The following CLDN14 variants were observed in gnomAD, a reference collection of about 807,000 sequenced individuals.
CLDN14 encodes claudin-14.
Under a neutral mutation model 2.1 loss-of-function variants are expected in CLDN14, and 2 were observed. That is an observed-to-expected ratio of 0.96 (90% CI 0.39 to 3.01). CLDN14 has a LOEUF of 3.01. CLDN14 is among the 30% of genes most tolerant of loss of function. The probability of loss-of-function intolerance (pLI) is 0.09; values close to 1 mark genes in which losing one functional copy is unlikely to be tolerated. For synonymous variants in CLDN14, 136 were observed against 154.4 expected (o/e 0.88, Z 0.88); for missense variants, 298 against 328.0 (o/e 0.91, Z 0.71).
intron 1 of CLDN14, chr21:36,477,680 A>G (rs73204262): frequency 2.0e-5 from 3 of 152,352 alleles, no homozygotes; most frequent in Non-Finnish European, 4.4e-5. Context: ...GAAGTGGACA[A>G]AGTGAGTGAA....
At chr21:36,516,318 A>G (rs148409808) in intron 1 of CLDN14, among the ~76,000 whole-genome samples, 322 of 152,176 alleles carry the variant, frequency 2.1e-3, no homozygotes, top group African/African-American at 7.5e-3. Flanking sequence ...AGCTTGAGAC[A>G]TGCTGATATT....
intron 2 of CLDN14, among the ~76,000 whole-genome samples, chr21:36,507,769 A>G (rs921897962): frequency 6.6e-6 from 1 of 152,122 alleles, no homozygotes; most frequent in Non-Finnish European, 1.5e-5. Context: ...ATCTCAAAAA[A>G]AGAAAAAGGT....
intron 1 of CLDN14, among the ~76,000 whole-genome samples, chr21:36,550,146 T>C (rs150592424): frequency 6.6e-6 from 1 of 152,330 alleles, no homozygotes; most frequent in African/African-American, 2.4e-5. Context: ...TTTCAAGATA[T>C]TGTCTTTCTA....
In CLDN14 at chr21:36,550,240, T is replaced by C. The variant is rs117723355; in HGVS notation, c.-220+26171A>G. ...ATTTCCAAAAGAAAGTTGCTTTAAGTTCGCTGCATTAAATTAAATTCACTG... is the reference window on the plus strand; with the variant it reads ...ATTTCCAAAAGAAAGTTGCTTTAAGCTCGCTGCATTAAATTAAATTCACTG... On this transcript the variant is annotated intron_variant, in intron 1 of 2. Transcript: ENST00000342108. Among the ~76,000 whole-genome samples, 1,407 of 152,318 alleles carry C rather than the reference T, an allele frequency of 9.2e-3. 6 individuals carry two copies. The highest frequency in any genetic ancestry group is 0.014 in the Non-Finnish European group (946 of 68,028).
In CLDN14 at chr21:36,461,313, G is replaced by A. The variant is rs1476462549; in HGVS notation, c.383C>T (p.Ala128Val). ...GACGGCCACCATGCACAGGAGGCCG[G>A]CCAGGATGAAGAGGGTGCCGCCGAG... ...AILGGTLFIL[A>V]GLLCMVAVSW... is the part of the protein sequence containing the mutation. The change falls in exon 2 of 2, where the codon GCC (alanine) becomes GTC (valine). Residue 128 changes from alanine (A) to valine (V), a missense_variant. By Grantham distance (64) the Ala-to-Val change is moderately conservative. Coordinates refer to ENST00000399135, the MANE Select transcript of CLDN14 (RefSeq NM_001146079.2). The A allele has an allele frequency of 6.2e-7, 1 of 1,613,540 alleles. No individual in the cohort carries two copies. Among genetic ancestry groups the A allele is most frequent in the Non-Finnish European group, 8.5e-7 (1 of 1,179,984 alleles).
rs2086565448 is a variant in CLDN14, at chr21:36,461,189, G to A, written c.507C>T (p.Ile169=). The change falls in exon 2 of 2, where the codon ATC becomes ATT. Residue 169 remains isoleucine, a synonymous_variant. Transcript: ENST00000399135. ...CACCAATGAGCGAGAGGGACGAGGA[G>A]ATGAAGCCCAGGTACAGGGCCTGGC... ...EIGQALYLGF[I]SSSLSLIGGT... The A allele has an allele frequency of 6.2e-7, 1 of 1,613,984 alleles. No individual in the cohort carries two copies. The highest frequency in any genetic ancestry group is 8.5e-7 in the Non-Finnish European group (1 of 1,179,846).
At chr21:36,489,261 T>C (rs1568855634) in intron 2 of CLDN14, among the ~76,000 whole-genome samples, 1 of 149,314 alleles carries the variant, frequency 6.7e-6, no homozygotes, top group Non-Finnish European at 1.5e-5. Flanking sequence ...CATTCTGAAT[T>C]GGACTGTCCC....
chr21:36,556,623 G>C (rs367677874), intron 1 of CLDN14, among the ~76,000 whole-genome samples: 1 of 152,156 alleles, frequency 6.6e-6, no homozygotes, highest in South Asian at 2.1e-4. Context: ...CAGGATGACC[G>C]ATATAAAAAC....
intron 1 of CLDN14, among the ~76,000 whole-genome samples, chr21:36,525,743 C>T (rs1028746005): frequency 6.6e-6 from 1 of 152,176 alleles, no homozygotes; most frequent in Non-Finnish European, 1.5e-5. Flanking sequence ...CACGAGGCAC[C>T]ACCAACCACA....
intron 1 of CLDN14, among the ~76,000 whole-genome samples, chr21:36,559,878 A>T (rs2087621983): frequency 6.6e-6 from 1 of 152,248 alleles, no homozygotes; most frequent in South Asian, 2.1e-4. Flanking sequence ...TCATGATCAA[A>T]GGAACATTAT....
At chr21:36,504,327 A>G (rs2087113775) in intron 2 of CLDN14, among the ~76,000 whole-genome samples, 1 of 152,066 alleles carries the variant, frequency 6.6e-6, no homozygotes, top group South Asian at 2.1e-4. Context: ...CTCAGAAAAA[A>G]GTTAAAAACA....
chr21:36,490,300 C>T (rs2086947572), intron 2 of CLDN14, among the ~76,000 whole-genome samples: 1 of 152,024 alleles, frequency 6.6e-6, no homozygotes, highest in African/African-American at 2.4e-5. Flanking sequence ...AGCTCCTGGG[C>T]TTAAGAGATC....
chr21:36,470,263 G>T (rs558041508), intron 1 of CLDN14, among the ~76,000 whole-genome samples: 1 of 152,148 alleles, frequency 6.6e-6, no homozygotes, highest in African/African-American at 2.4e-5. Context: ...TAGGGTCATT[G>T]CAGATGTAAT....
At chr21:36,530,895 C>A (rs767244229) in intron 1 of CLDN14, among the ~76,000 whole-genome samples, 1 of 152,166 alleles carries the variant, frequency 6.6e-6, no homozygotes, top group Non-Finnish European at 1.5e-5. Context: ...TGTATTAAAA[C>A]ATAAGTTTGG....
chr21:36,549,276 A>ACACACTCT (rs551169909), intron 1 of CLDN14, among the ~76,000 whole-genome samples: 19 of 139,622 alleles, frequency 1.4e-4, no homozygotes, highest in Admixed American at 7.9e-4. Context: ...TTACACACAC[A>ACACACTCT]CTCTCTCTCT....
rs947942876 is a variant in CLDN14, at chr21:36,551,277, G to A, written c.-220+25134C>T. Among the ~76,000 whole-genome samples the A allele has an allele frequency of 6.6e-6, 1 of 152,204 alleles. No homozygotes were observed. The highest frequency in any genetic ancestry group is 6.5e-5 in the Admixed American group (1 of 15,290). On this transcript the variant is annotated intron_variant, in intron 1 of 2. Transcript: ENST00000342108. This position sits in a 1 kb window ranked among gnomAD's most constrained non-coding sequence, Gnocchi z 4.8. Reference sequence around the variant, plus strand: ...TTGGCCCCCTCCCCTTGGCCTCTGCGCTGGGAGGGAGGACCCCAGTGAGAT... The same window carrying A: ...TTGGCCCCCTCCCCTTGGCCTCTGCACTGGGAGGGAGGACCCCAGTGAGAT...
chr21:36,507,865 C>T lies in CLDN14; in HGVS notation c.-82+2498G>A, dbSNP rs141331966. Among the ~76,000 whole-genome samples the T allele has an allele frequency of 1.9e-3, 292 of 152,338 alleles. 1 individual carries two copies. The highest frequency in any genetic ancestry group is 5.0e-3 in the South Asian group (24 of 4,820). On this transcript the variant is annotated intron_variant, in intron 2 of 2. Coordinates refer to the CLDN14 transcript ENST00000342108. ...TTAACATTTACAAACGGGACACACA[C>T]ATTTCCTGTTTAATTCCACCCTGCA...
chr21:36,492,291 G>A (rs556490263), intron 2 of CLDN14, among the ~76,000 whole-genome samples: 4 of 142,738 alleles, frequency 2.8e-5, no homozygotes, highest in Non-Finnish European at 3.0e-5. Context: ...AAAATTAGCC[G>A]GGCGCGGTGG....
upstream of CLDN14, chr21:36,480,630 C>G (rs926348853): frequency 6.6e-6 from 1 of 152,148 alleles, no homozygotes; most frequent in African/African-American, 2.4e-5. Context: ...TTTGGGGACC[C>G]TCTCAAGGCA....
Sources: gnomAD v4.1 joint callset for allele counts (sites outside exome capture counted in the v4.1 genomes callset) on GRCh38, gnomAD v4.1.1 for gene constraint, Gnocchi (gnomAD v3.1) non-coding constraint, MANE v1.5 for transcripts, NCBI Gene and HGNC (gene_info 2026-07-23, HGNC 2026-07-21) for gene names.